DPYD: variants seen among roughly 807,000 people sequenced by gnomAD.
DPYD encodes the protein dihydropyrimidine dehydrogenase [NADP(+)].
In DPYD, 109 loss-of-function variants were observed where a neutral mutation model predicts 116.2. The observed-to-expected ratio is 0.94, with a 90% CI of 0.80 to 1.10. The LOEUF (loss-of-function observed/expected upper bound fraction) is 1.10. Ranked by LOEUF, DPYD falls within the 50% of genes least tolerant of loss-of-function variation. The pLI is 0.00. For missense variants in DPYD, 1,302 were observed against 1,254.5 expected (o/e 1.04, Z -0.57); for synonymous variants, 440 against 432.0 (o/e 1.02, Z -0.23).
At chr1:97,519,541 C>T (rs1648486119) in intron 12 of DPYD, among the ~76,000 whole-genome samples, 1 of 152,112 alleles carries the variant, frequency 6.6e-6, no homozygotes, top group African/African-American at 2.4e-5. Flanking sequence ...AGTAAAGAGC[C>T]TGCCCTTTAG....
intron 2 of DPYD, among the ~76,000 whole-genome samples, chr1:97,832,427 T>C (rs1231054948): frequency 1.3e-5 from 2 of 152,066 alleles, no homozygotes; most frequent in Non-Finnish European, 2.9e-5. Context: ...GGATGGAAAA[T>C]AGTTTACTAG....
At chr1:97,490,156 T>A (rs1481005307) in intron 13 of DPYD, among the ~76,000 whole-genome samples, 1 of 151,828 alleles carries the variant, frequency 6.6e-6, no homozygotes, top group Non-Finnish European at 1.5e-5. Context: ...TGCCACATAA[T>A]AAATGCACCA....
At chr1:97,381,912 C>T (rs1013946782) in intron 15 of DPYD, among the ~76,000 whole-genome samples, 2 of 152,138 alleles carry the variant, frequency 1.3e-5, no homozygotes, top group African/African-American at 4.8e-5. Context: ...CATTCTGTCC[C>T]GCTCTTTTAT....
intron 12 of DPYD, among the ~76,000 whole-genome samples, chr1:97,521,775 C>A (rs1027048991): frequency 6.6e-6 from 1 of 152,110 alleles, no homozygotes; most frequent in East Asian, 1.9e-4. Context: ...AATATCTGAT[C>A]TTTGACAAAC....
chr1:97,507,523 CT>C (rs1219457042), intron 13 of DPYD, among the ~76,000 whole-genome samples: 1 of 151,772 alleles, frequency 6.6e-6, no homozygotes, highest in African/African-American at 2.4e-5. Flanking sequence ...TTTATTTAAT[CT>C]TTTTAAAAAA....
chr1:97,666,481 TTGTG>T (rs1203282001), intron 8 of DPYD, among the ~76,000 whole-genome samples: 2 of 152,138 alleles, frequency 1.3e-5, no homozygotes, highest in East Asian at 1.9e-4. Context: ...TAATTCTTGG[TTGTG>T]TGTGTGTGTT....
chr1:97,921,040 C>T (rs1217298308), upstream of DPYD: 11 of 1,322,282 alleles, frequency 8.3e-6, no homozygotes, highest in Middle Eastern at 2.0e-4. Flanking sequence ...AGACTAGGGC[C>T]GGCGGCGCGG....
rs1662927015 is a variant in DPYD, at chr1:97,721,572, T to C, written c.421A>G (p.Asn141Asp). The change falls in exon 5 of 23, where the codon AAT (asparagine) becomes GAT (aspartate). Residue 141 changes from asparagine (N) to aspartate (D), a missense_variant. Asn to Asp is a conservative substitution (Grantham distance 23, BLOSUM62 1). Transcript: ENST00000370192. Reference sequence around the variant, plus strand: ...GGTCCCTCTTCAGTGGCATATAAATTGCATCCACCTACACAAAGATCAGAG... The same window carrying C: ...GGTCCCTCTTCAGTGGCATATAAATCGCATCCACCTACACAAAGATCAGAG... ...PTSDLCVGGC[N>D]LYATEEGPIN... 2 of 1,611,806 alleles carry C rather than the reference T, an allele frequency of 1.2e-6. No individual in the cohort carries two copies. Among genetic ancestry groups the C allele is most frequent in the Non-Finnish European group, 8.5e-7 (1 of 1,178,514 alleles).
chr1:97,158,046 T>C (rs896089797), intron 20 of DPYD, among the ~76,000 whole-genome samples: 2 of 152,094 alleles, frequency 1.3e-5, no homozygotes, highest in African/African-American at 4.8e-5. Flanking sequence ...TTTACTTCAT[T>C]CCTCAGTTAA....
chr1:97,851,486 T>G (rs1470742468), intron 2 of DPYD, among the ~76,000 whole-genome samples: 1 of 151,932 alleles, frequency 6.6e-6, no homozygotes, highest in Non-Finnish European at 1.5e-5. Flanking sequence ...ATGAATGGCA[T>G]ACAGCATCAC....
intron 3 of DPYD, among the ~76,000 whole-genome samples, chr1:97,790,042 C>T (rs772308397): frequency 1.3e-5 from 2 of 152,116 alleles, no homozygotes; most frequent in Non-Finnish European, 2.9e-5. Flanking sequence ...GGAGGTGGGG[C>T]AGCTTTGGGG....
At chr1:97,906,324 C>T (rs752517106) in intron 1 of DPYD, among the ~76,000 whole-genome samples, 5 of 151,976 alleles carry the variant, frequency 3.3e-5, no homozygotes, top group Non-Finnish European at 7.4e-5. Context: ...TTATAACATG[C>T]TTATTTTAAC....
intron 8 of DPYD, among the ~76,000 whole-genome samples, chr1:97,619,012 A>G (rs1204300298): frequency 1.3e-5 from 2 of 152,112 alleles, no homozygotes; most frequent in Admixed American, 1.3e-4. Context: ...ATTCCTTTTT[A>G]TGATTTTTGT....
chr1:97,730,925 T>C (rs963471261), intron 4 of DPYD, among the ~76,000 whole-genome samples: 8 of 152,034 alleles, frequency 5.3e-5, no homozygotes, highest in African/African-American at 1.9e-4. Context: ...TACAATTTCA[T>C]TTATGAATAT....
chr1:97,738,453 C>T (rs1318969467), intron 4 of DPYD, among the ~76,000 whole-genome samples: 1 of 152,056 alleles, frequency 6.6e-6, no homozygotes, highest in Admixed American at 6.5e-5. Context: ...TAACACAATA[C>T]AAAACAAGTG....
At chr1:97,317,307 T>G (rs1489021552) in intron 16 of DPYD, among the ~76,000 whole-genome samples, 1 of 151,974 alleles carries the variant, frequency 6.6e-6, no homozygotes. Context: ...ATACCACCAG[T>G]AGGTGTTCAA....
chr1:97,772,116 T>C (rs116479343), intron 3 of DPYD, among the ~76,000 whole-genome samples: 1 of 152,190 alleles, frequency 6.6e-6, no homozygotes, highest in Non-Finnish European at 1.5e-5. Flanking sequence ...AATTTTTTTA[T>C]CTCTTTAAAC....
intron 8 of DPYD, among the ~76,000 whole-genome samples, chr1:97,651,875 G>A (rs1026392311): frequency 1.3e-5 from 2 of 151,980 alleles, no homozygotes; most frequent in Non-Finnish European, 2.9e-5. Context: ...CTAGAACAAA[G>A]ATTCAGAGAT....
At chr1:97,372,773 T>C (rs2101510696) in intron 16 of DPYD, among the ~76,000 whole-genome samples, 1 of 152,012 alleles carries the variant, frequency 6.6e-6, no homozygotes, top group South Asian at 2.1e-4. Context: ...ACCTACTAAG[T>C]ACAAGATCCT....
Sources: allele counts gnomAD v4.1 joint callset (sites outside exome capture counted in the v4.1 genomes callset), GRCh38; gene constraint gnomAD v4.1.1; transcripts MANE v1.5; gene names NCBI Gene and HGNC (gene_info 2026-07-23, HGNC 2026-07-21).